IL33: variants seen among roughly 807,000 people sequenced by gnomAD.
The protein encoded by IL33 is interleukin-33.
In IL33, 37 loss-of-function variants were observed where a neutral mutation model predicts 27.3. That is an observed-to-expected ratio of 1.36 (90% CI 1.04 to 1.78). The LOEUF is 1.78. Among genes scored for constraint, IL33 ranks in the 40% most tolerant of loss-of-function variants. IL33 has a pLI of 0.00. For missense variants in IL33, 406 were observed against 311.4 expected (o/e 1.30, Z -2.29); for synonymous variants, 132 against 102.9 (o/e 1.28, Z -1.71).
chr9:6,224,723 A>G (rs377730307), intron 1 of IL33, among the ~76,000 whole-genome samples: 6 of 152,212 alleles, frequency 3.9e-5, no homozygotes, highest in African/African-American at 1.4e-4. Flanking sequence ...GCATACATGC[A>G]CATACATGCA....
At position 6,251,269 on chromosome 9, in the gene IL33, T is replaced by C. The variant is rs1254537415; in HGVS notation, c.343+4T>C. 6.2e-7 allele frequency: 1 copy of C among 1,612,728 alleles called. No homozygotes were observed. Among genetic ancestry groups the C allele is most frequent in the Non-Finnish European group, 8.5e-7 (1 of 1,179,068 alleles). Reference sequence around the variant, plus strand: ...CTTCATGATTCAAGTATCACAGGTATGACTGGTTACAGGGGTGATGTGGGA... The same window carrying C: ...CTTCATGATTCAAGTATCACAGGTACGACTGGTTACAGGGGTGATGTGGGA... On this transcript the variant is annotated splice_donor_region_variant and intron_variant, in intron 4 of 7. Transcript: ENST00000682010.
intron 1 of IL33, among the ~76,000 whole-genome samples, chr9:6,234,378 G>C (rs894092865): frequency 6.6e-6 from 1 of 152,130 alleles, no homozygotes; most frequent in African/African-American, 2.4e-5. Context: ...CCCCACCTGA[G>C]TTTCCTATTA....
At chr9:6,246,160 A>C (rs1819838166) in intron 2 of IL33, among the ~76,000 whole-genome samples, 1 of 149,270 alleles carries the variant, frequency 6.7e-6, no homozygotes, top group Non-Finnish European at 1.5e-5. Flanking sequence ...CAGGAGAAAT[A>C]TATTGGGGGC....
intron 1 of IL33, among the ~76,000 whole-genome samples, chr9:6,236,314 T>C (rs1331245453): frequency 6.6e-6 from 1 of 152,188 alleles, no homozygotes. Flanking sequence ...TGTGTATAAT[T>C]TTTTACATAG....
intron 6 of IL33, among the ~76,000 whole-genome samples, 166 bp downstream of exon 6, chr9:6,253,768 TC>T (rs1167311463): frequency 6.6e-6 from 1 of 152,180 alleles, no homozygotes; most frequent in African/African-American, 2.4e-5. Flanking sequence ...TGCATTCTCA[TC>T]CATTTTACAG....
Position 6,256,490 on chromosome 9 carries a change from G to C in IL33, c.*322G>C. 2.4e-6 allele frequency: 1 copy of C among 411,522 alleles called. No homozygotes were observed. Among genetic ancestry groups the C allele is most frequent in the Non-Finnish European group, 4.3e-6 (1 of 232,872 alleles). 25.5% of individuals were successfully genotyped at this position (411,522 alleles called of 1,614,324 possible). A position where few individuals can be genotyped will look rare whatever the true frequency, so the allele number is the denominator to read the frequency against. Reference sequence around the variant, plus strand: ...GTCCAGAAAGAACTTCATATTTAGAGCTAAGGCCACTGAGGAAAGAGCCAT... The same window carrying C: ...GTCCAGAAAGAACTTCATATTTAGACCTAAGGCCACTGAGGAAAGAGCCAT... On this transcript the variant is annotated 3_prime_UTR_variant, in exon 8 of 8. Transcript: ENST00000682010.
rs186521691 is a variant in IL33 at position 6,237,562 on chromosome 9, C to T, written c.-11-4122C>T. ...AAACTAGTCCATGAGGGTGATAAGA[C>T]GGGAGAAAAAGGTTATGAGATCAAA... On this transcript the variant is annotated intron_variant, in intron 1 of 7. Transcript: ENST00000682010. Among the ~76,000 whole-genome samples the T allele has an allele frequency of 2.4e-3, 359 of 151,930 alleles. 1 individual carries two copies. Among genetic ancestry groups the T allele is most frequent in the African/African-American group, 7.3e-3 (301 of 41,424 alleles).
Position 6,253,619 on chromosome 9 carries a change from G to A in IL33, c.520+17G>A. On this transcript the variant is annotated intron_variant, in intron 6 of 7. Transcript: ENST00000682010. ...ATGAATCAGGTAATTTGGAGGGCTG[G>A]GTAGCTGTAGTGCTTGAATTCTTAA... 6.3e-7 allele frequency: 1 copy of A among 1,594,432 alleles called. No homozygotes were observed. Among genetic ancestry groups the A allele is most frequent in the Non-Finnish European group, 8.6e-7 (1 of 1,165,446 alleles).
At chr9:6,229,534 G>A (rs1439747006) in intron 1 of IL33, among the ~76,000 whole-genome samples, 1 of 152,212 alleles carries the variant, frequency 6.6e-6, no homozygotes, top group African/African-American at 2.4e-5. Flanking sequence ...TGTCATTTCT[G>A]TAAGTCAAAA....
rs1278235751 is a variant in IL33 at position 6,254,564 on chromosome 9, AAAAT to A, written c.612+12_612+15del. Reference sequence around the variant, plus strand: ...GAACACTCTGTGGAGGTAAAAAAAAAAAATTTATCTATATCTATATATATGATTA... The same window carrying A: ...GAACACTCTGTGGAGGTAAAAAAAAATTATCTATATCTATATATATGATTA... On this transcript the variant is annotated intron_variant, in intron 7 of 7. Coordinates refer to ENST00000682010, the MANE Select transcript of IL33 (RefSeq NM_033439.4). 4 of 1,518,990 alleles carry A rather than the reference AAAAT, an allele frequency of 2.6e-6. No individual in the cohort carries two copies. The highest frequency in any genetic ancestry group is 2.6e-5 in the South Asian group (2 of 78,354). The allele number at this position is 1,518,990 out of a possible 1,614,324, so 94.1% of individuals were successfully genotyped here.
rs1216452560 is a variant in IL33, at chr9:6,251,256, A to T, written c.334A>T (p.Ser112Cys). ...QKYTRALHDS[S>C]ITGISPITEY... ...ATATACTAGAGCACTTCATGATTCAAGTATCACAGGTATGACTGGTTACAG... is the reference window on the plus strand; with the variant it reads ...ATATACTAGAGCACTTCATGATTCATGTATCACAGGTATGACTGGTTACAG... The change falls in exon 4 of 8, where the codon AGT (serine) becomes TGT (cysteine). Residue 112 changes from serine (S) to cysteine (C), a missense_variant. Transcript: ENST00000682010. The T allele has an allele frequency of 6.2e-7, 1 of 1,613,348 alleles. No individual in the cohort carries two copies. Among genetic ancestry groups the T allele is most frequent in the Non-Finnish European group, 8.5e-7 (1 of 1,179,536 alleles).
chr9:6,244,363 T>C (rs916793333), intron 2 of IL33, among the ~76,000 whole-genome samples: 1 of 152,214 alleles, frequency 6.6e-6, no homozygotes, highest in Non-Finnish European at 1.5e-5. Flanking sequence ...GCAGGAAATA[T>C]GTACCAAGAC....
At chr9:6,245,971 G>A (rs112175146) in intron 2 of IL33, among the ~76,000 whole-genome samples, 5,624 of 148,868 alleles carry the variant, frequency 0.038, 141 homozygotes, top group Middle Eastern at 0.09. Flanking sequence ...GCTGAGGCAG[G>A]AGAATGGCAT....
intron 1 of IL33, 102 bp from the exon 2 acceptor site, chr9:6,241,582 C>T (rs1819529952): frequency 4.8e-6 from 3 of 619,592 alleles, no homozygotes; most frequent in Non-Finnish European, 8.6e-6. Context: ...ATTATTTCCT[C>T]TATATGGTTA....
chr9:6,233,576 C>T (rs1365650055), intron 1 of IL33, among the ~76,000 whole-genome samples: 1 of 152,138 alleles, frequency 6.6e-6, no homozygotes, highest in South Asian at 2.1e-4. Flanking sequence ...ATAATAATAA[C>T]AAACATATTG....
At chr9:6,244,198 C>A (rs578048398) in intron 2 of IL33, among the ~76,000 whole-genome samples, 1 of 152,256 alleles carries the variant, frequency 6.6e-6, no homozygotes, top group East Asian at 1.9e-4. Flanking sequence ...GTGGCCCTAA[C>A]TACTTACCTA....
At chr9:6,226,090 C>G (rs1818613902) in intron 1 of IL33, among the ~76,000 whole-genome samples, 1 of 152,180 alleles carries the variant, frequency 6.6e-6, no homozygotes. Flanking sequence ...TCACTGCGGC[C>G]TCAAACTCCT....
intron 1 of IL33, among the ~76,000 whole-genome samples, chr9:6,217,191 C>T (rs1342734696): frequency 2.0e-5 from 3 of 152,056 alleles, no homozygotes; most frequent in Non-Finnish European, 4.4e-5. Flanking sequence ...CCTGAACAGA[C>T]ATCTCTGAAG....
At chr9:6,218,957 A>T (rs1203299579) in intron 1 of IL33, among the ~76,000 whole-genome samples, 4 of 110,900 alleles carry the variant, frequency 3.6e-5, no homozygotes, top group Non-Finnish European at 7.1e-5. Flanking sequence ...TACATCAGAA[A>T]ATTTATATGT....
Sources: gnomAD v4.1 joint callset for allele counts (sites outside exome capture counted in the v4.1 genomes callset) on GRCh38, gnomAD v4.1.1 for gene constraint, MANE v1.5 for transcripts, NCBI Gene and HGNC (gene_info 2026-07-23, HGNC 2026-07-21) for gene names.